Variants in RBFOX1 observed in about 807,000 individuals in gnomAD.
RBFOX1 encodes RNA binding protein fox-1 homolog 1.
A neutral mutation model predicts 57.7 loss-of-function variants in RBFOX1; 8 were observed. The observed-to-expected ratio is 0.14, with a 90% CI of 0.08 to 0.25. The LOEUF is 0.25. Ranked by LOEUF, RBFOX1 falls within the 10% of genes least tolerant of loss-of-function variation. The pLI, the probability that RBFOX1 is intolerant of heterozygous loss-of-function variation, is 1.00. For synonymous variants in RBFOX1, 326 were observed against 222.4 expected, an observed-to-expected ratio of 1.47 and a Z score of -4.15; for missense variants, 611 against 548.5, an observed-to-expected ratio of 1.11 and a Z score of -1.14.
At chr16:6,910,265 C>T (rs2071216287) in intron 3 of RBFOX1, among the ~76,000 whole-genome samples, 1 of 152,102 alleles carries the variant, frequency 6.6e-6, no homozygotes, top group Admixed American at 6.6e-5. Context: ...GCATTTTCTC[C>T]ATACTTCCAG....
intron 3 of RBFOX1, among the ~76,000 whole-genome samples, chr16:7,020,452 C>T (rs1347319268): frequency 6.6e-6 from 1 of 152,128 alleles, no homozygotes; most frequent in South Asian, 2.1e-4. Flanking sequence ...AACTCCTGAT[C>T]TTGTCATCCA....
At chr16:5,392,591 T>C (rs943987620) in intron 1 of RBFOX1, among the ~76,000 whole-genome samples, 3 of 151,272 alleles carry the variant, frequency 2.0e-5, no homozygotes, top group Non-Finnish European at 4.4e-5. Context: ...CAGGCTGGAG[T>C]GCAGTGGTGC....
intron 4 of RBFOX1, among the ~76,000 whole-genome samples, chr16:5,929,213 CA>C (rs746295043): frequency 6.6e-5 from 10 of 152,084 alleles, no homozygotes; most frequent in Non-Finnish European, 1.3e-4. Flanking sequence ...ACCCCTCCCC[CA>C]GCACCTCTGT....
chr16:6,810,598 G>T (rs2088263997), intron 3 of RBFOX1, among the ~76,000 whole-genome samples: 1 of 151,974 alleles, frequency 6.6e-6, no homozygotes, highest in Non-Finnish European at 1.5e-5. Context: ...GCTATAAAGA[G>T]CTATAAAGAA....
intron 1 of RBFOX1, among the ~76,000 whole-genome samples, chr16:6,223,162 C>T (rs1384357924): frequency 9.3e-5 from 14 of 150,492 alleles, no homozygotes; most frequent in Non-Finnish European, 1.5e-4. Flanking sequence ...AATAAACATA[C>T]GTGTGCATGT....
chr16:7,102,156 C>T (rs1051523534), intron 4 of RBFOX1, among the ~76,000 whole-genome samples: 1 of 152,214 alleles, frequency 6.6e-6, no homozygotes, highest in Admixed American at 6.5e-5. Flanking sequence ...AAACACTCCT[C>T]TTACTCACAC....
At chr16:6,171,204 A>G (rs762034536) in intron 1 of RBFOX1, among the ~76,000 whole-genome samples, 3 of 152,226 alleles carry the variant, frequency 2.0e-5, no homozygotes, top group Non-Finnish European at 4.4e-5. Context: ...ATATGCAGGT[A>G]TAACAGGTAA....
At chr16:6,906,941 C>T (rs1280157683) in intron 3 of RBFOX1, among the ~76,000 whole-genome samples, 1 of 152,042 alleles carries the variant, frequency 6.6e-6, no homozygotes, top group Non-Finnish European at 1.5e-5. Flanking sequence ...CCAGGCTGGT[C>T]TTGAACTCCT....
At chr16:5,673,357 C>T (rs1287857042) in intron 3 of RBFOX1, among the ~76,000 whole-genome samples, 1 of 152,108 alleles carries the variant, frequency 6.6e-6, no homozygotes, top group East Asian at 1.9e-4. Flanking sequence ...ATCAAGGTCA[C>T]ACCTCAGTAA....
chr16:6,051,948 TAC>T (rs2095556348), intron 1 of RBFOX1, among the ~76,000 whole-genome samples: 1 of 152,184 alleles, frequency 6.6e-6, no homozygotes, highest in African/African-American at 2.4e-5. Flanking sequence ...GTCAGAGCCC[TAC>T]ACTCCCTCAC....
At chr16:7,028,846 G>T (rs1238298176) in intron 3 of RBFOX1, among the ~76,000 whole-genome samples, 2 of 150,738 alleles carry the variant, frequency 1.3e-5, no homozygotes, top group Non-Finnish European at 2.9e-5. Context: ...ATGAGAAAAG[G>T]TGTGGGCATC....
In RBFOX1 at chr16:7,595,535, C is replaced by T. The variant is rs761397301; in HGVS notation, c.469-14C>T. 3.9e-6 allele frequency: 6 copies of T among 1,537,062 alleles called. No homozygotes were observed. The highest frequency in any genetic ancestry group is 1.3e-5 in the South Asian group (1 of 77,380). ...AATCTGCATGTTGTTTTCCCTTCTC[C>T]CTCCTGCATGCAGGGATTTGGTTTC... is the stretch of plus-strand genomic sequence containing the variant. On this transcript the variant is annotated splice_polypyrimidine_tract_variant and intron_variant, in intron 7 of 15. Transcript: ENST00000550418.
chr16:6,061,666 A>G (rs1258226820), intron 1 of RBFOX1, among the ~76,000 whole-genome samples: 1 of 152,138 alleles, frequency 6.6e-6, no homozygotes, highest in Non-Finnish European at 1.5e-5. Context: ...ATAAATCTCT[A>G]TGGATAAATC....
intron 12 of RBFOX1, among the ~76,000 whole-genome samples, chr16:7,663,502 A>ACCGT (rs1273509043): frequency 7.8e-6 from 1 of 128,484 alleles, no homozygotes; most frequent in East Asian, 2.6e-4. Context: ...GTGTCAGTAC[A>ACCGT]GCGTGTGTGT....
intron 3 of RBFOX1, among the ~76,000 whole-genome samples, chr16:5,713,069 C>T (rs1348962527): frequency 6.6e-6 from 1 of 152,160 alleles, no homozygotes; most frequent in African/African-American, 2.4e-5. Context: ...AGGGGATGTG[C>T]AGAAAGTTTT....
At chr16:5,818,970 G>A (rs910761865) in intron 3 of RBFOX1, among the ~76,000 whole-genome samples, 6 of 152,042 alleles carry the variant, frequency 3.9e-5, no homozygotes, top group African/African-American at 1.4e-4. Flanking sequence ...ATTACCTCTT[G>A]GATCTGTCCC....
intron 3 of RBFOX1, among the ~76,000 whole-genome samples, chr16:6,747,593 A>T (rs542351362): frequency 2.6e-5 from 4 of 152,238 alleles, no homozygotes; most frequent in African/African-American, 4.8e-5. Flanking sequence ...AGTATCTTCT[A>T]TGGGTCTTCT....
intron 7 of RBFOX1, among the ~76,000 whole-genome samples, chr16:7,592,524 G>A (rs1471334975): frequency 6.6e-6 from 1 of 152,210 alleles, no homozygotes; most frequent in African/African-American, 2.4e-5. Flanking sequence ...TAGTTCCAAA[G>A]GGCAGAAATG....
At chr16:5,324,675 A>C (rs2064512993) in intron 1 of RBFOX1, among the ~76,000 whole-genome samples, 1 of 152,228 alleles carries the variant, frequency 6.6e-6, no homozygotes, top group African/African-American at 2.4e-5. Flanking sequence ...ATGGAGCTAG[A>C]GGCCATTATC....
Sources: gnomAD v4.1 joint callset for allele counts (sites outside exome capture counted in the v4.1 genomes callset) on GRCh38, gnomAD v4.1.1 for gene constraint, MANE v1.5 for transcripts, NCBI Gene and HGNC (gene_info 2026-07-23, HGNC 2026-07-21) for gene names.